SHROOM3: variants seen among roughly 807,000 people sequenced by gnomAD.
SHROOM3 encodes shroom family member 3, also known as protein Shroom3.
In SHROOM3, 47 loss-of-function variants were observed where a neutral mutation model predicts 138.6. That is an observed-to-expected ratio of 0.34 (90% CI 0.27 to 0.43). The LOEUF is 0.43. Ranked by LOEUF, SHROOM3 falls within the 20% of genes least tolerant of loss-of-function variation. SHROOM3 has a pLI of 1.00. For synonymous variants in SHROOM3, 1,062 were observed against 1,063.3 expected (o/e 1.00, Z 0.02); for missense variants, 2,491 against 2,596.5 (o/e 0.96, Z 0.88).
chr4:76,505,488 A>G (rs1184830632), intron 1 of SHROOM3, among the ~76,000 whole-genome samples: 1 of 152,100 alleles, frequency 6.6e-6, no homozygotes, highest in African/African-American at 2.4e-5. Context: ...CATACATACA[A>G]TTGGCCCTCT....
chr4:76,511,488 A>G (rs1732336196), intron 1 of SHROOM3, among the ~76,000 whole-genome samples: 1 of 151,888 alleles, frequency 6.6e-6, no homozygotes, highest in Non-Finnish European at 1.5e-5. Flanking sequence ...ACTCAACAAC[A>G]CCTCTGCCTA....
At chr4:76,689,847 C>T (rs939691918) in intron 2 of SHROOM3, 2 of 760,710 alleles carry the variant, frequency 2.6e-6, no homozygotes, top group Non-Finnish European at 1.6e-6. Flanking sequence ...GCCAGCACCC[C>T]GGCTGATGGG....
intron 2 of SHROOM3, among the ~76,000 whole-genome samples, chr4:76,651,389 A>T (rs1735953505): frequency 8.1e-6 from 1 of 122,710 alleles, no homozygotes; most frequent in South Asian, 2.6e-4. Context: ...AACACATCTC[A>T]TGTAACCCAT....
chr4:76,770,351 ACAGAAG>A (rs1560623527), intron 9 of SHROOM3, among the ~76,000 whole-genome samples: 2 of 130,666 alleles, frequency 1.5e-5, no homozygotes, highest in African/African-American at 5.6e-5. Context: ...AAAAAAAAAA[ACAGAAG>A]ACAAAGCTGT....
In SHROOM3 at chr4:76,778,972, C is replaced by T. The variant is rs1722664803; in HGVS notation, c.5786C>T (p.Ser1929Phe). The T allele has an allele frequency of 6.2e-7, 1 of 1,614,126 alleles. No individual in the cohort carries two copies. Among genetic ancestry groups the T allele is most frequent in the African/African-American group, 1.3e-5 (1 of 75,026 alleles). ...QDYQHFVKMK[S>F]TLLIEQRKLD... ...TACCAGCACTTCGTGAAAATGAAGTCCACGCTCCTCATTGAGCAACGGAAG... is the reference window on the plus strand; with the variant it reads ...TACCAGCACTTCGTGAAAATGAAGTTCACGCTCCTCATTGAGCAACGGAAG... The change falls in exon 11 of 11, where the codon TCC becomes TTC. Residue 1929 changes from serine to phenylalanine, a missense_variant. This residue lies in a region of SHROOM3 where 470 missense variants were observed against 595.0 expected (regional missense o/e 0.79). Transcript: ENST00000296043.
chr4:76,668,186 C>T (rs1257172421), intron 2 of SHROOM3, among the ~76,000 whole-genome samples: 1 of 151,832 alleles, frequency 6.6e-6, no homozygotes, highest in Non-Finnish European at 1.5e-5. Context: ...GCGAAAAGCC[C>T]AAGGAAGGAG....
At chr4:76,724,581 GT>G (rs1720645362) in intron 3 of SHROOM3, among the ~76,000 whole-genome samples, 1 of 152,110 alleles carries the variant, frequency 6.6e-6, no homozygotes, top group Non-Finnish European at 1.5e-5. Flanking sequence ...GTGAAAATAA[GT>G]TTTCCTTCCC....
chr4:76,770,611 T>TA lies in SHROOM3; in HGVS notation c.5350-14dup. 1 of 1,613,432 alleles carries TA rather than the reference T, an allele frequency of 6.2e-7. No individual in the cohort carries two copies. The highest frequency in any genetic ancestry group is 8.5e-7 in the Non-Finnish European group (1 of 1,179,982). On this transcript the variant is annotated splice_polypyrimidine_tract_variant and intron_variant, in intron 9 of 10. Coordinates refer to ENST00000296043, the MANE Select transcript of SHROOM3 (RefSeq NM_020859.4). ...TCCTGTTGGCTGATCTTTGCGGTCTTATCTGTCATTTCAGGCTGAGCTCAT... is the reference window on the plus strand; with the variant it reads ...TCCTGTTGGCTGATCTTTGCGGTCTTAATCTGTCATTTCAGGCTGAGCTCAT...
chr4:76,654,008 C>T (rs1237550269), intron 2 of SHROOM3, among the ~76,000 whole-genome samples: 2 of 152,088 alleles, frequency 1.3e-5, no homozygotes, highest in Non-Finnish European at 2.9e-5. Flanking sequence ...AGATAAATTA[C>T]CAATCAATGT....
intron 2 of SHROOM3, among the ~76,000 whole-genome samples, chr4:76,563,096 G>A (rs1352703448): frequency 6.6e-6 from 1 of 152,074 alleles, no homozygotes; most frequent in Non-Finnish European, 1.5e-5. Context: ...TAAAATGGAG[G>A]AGAACAGTTC....
rs572581952 is a variant in SHROOM3 at position 76,453,426 on chromosome 4, A to G, written c.168+17206A>G. 2.0e-5 allele frequency among the ~76,000 whole-genome samples: 3 copies of G among 151,892 alleles called. No individual in the cohort carries two copies. The East Asian group carries it at 5.8e-4, about 29-fold the overall frequency. On this transcript the variant is annotated intron_variant, in intron 1 of 10. Coordinates refer to ENST00000296043, the MANE Select transcript of SHROOM3 (RefSeq NM_020859.4). ...CCAGAGTATCTGGGACTACAGATGC[A>G]TGCCACAACACCTGGCTATTTTTTT...
At chr4:76,586,502 G>A (rs1310791090) in intron 2 of SHROOM3, 17 of 979,652 alleles carry the variant, frequency 1.7e-5, no homozygotes, top group Non-Finnish European at 2.1e-5. Context: ...ATTTCTCGAT[G>A]ACATTATTTC....
chr4:76,488,178 TG>T (rs750495875), intron 1 of SHROOM3, among the ~76,000 whole-genome samples: 4 of 152,220 alleles, frequency 2.6e-5, no homozygotes, highest in African/African-American at 9.6e-5. Flanking sequence ...AATTATAATT[TG>T]TTTTTTTTAA....
rs543817550 is a variant in SHROOM3, at chr4:76,561,600, A to T, written c.323+5837A>T. On this transcript the variant is annotated intron_variant, in intron 2 of 10. Coordinates refer to ENST00000296043, the MANE Select transcript of SHROOM3 (RefSeq NM_020859.4). ...CTAGTTCTTCGAGGATGTAAGTCTT[A>T]GGGACTTTTGGCCCCTCAAGCAGTG... Among the ~76,000 whole-genome samples the T allele has an allele frequency of 6.0e-5, 9 of 149,450 alleles. No individual in the cohort carries two copies. In the South Asian group the frequency reaches 8.8e-4, roughly 15 times the overall value.
chr4:76,770,346 A>AC (rs1560623485), intron 9 of SHROOM3, among the ~76,000 whole-genome samples: 1 of 143,172 alleles, frequency 7.0e-6, no homozygotes, highest in Admixed American at 7.0e-5. Flanking sequence ...AAAAAAAAAA[A>AC]AAAAACAGAA....
chr4:76,567,359 AC>A (rs748703621), intron 2 of SHROOM3, among the ~76,000 whole-genome samples: 1 of 151,934 alleles, frequency 6.6e-6, no homozygotes, highest in Non-Finnish European at 1.5e-5. Flanking sequence ...ACATGGTGAA[AC>A]CCCGTCTCAG....
At chr4:76,519,048 T>C (rs370255002) in intron 1 of SHROOM3, among the ~76,000 whole-genome samples, 20 of 152,128 alleles carry the variant, frequency 1.3e-4, no homozygotes, top group African/African-American at 4.3e-4. Context: ...GCCTTGCCCT[T>C]GGAAGAGAAC....
At chr4:76,439,426 A>T (rs1730624062) in intron 1 of SHROOM3, among the ~76,000 whole-genome samples, 1 of 152,226 alleles carries the variant, frequency 6.6e-6, no homozygotes, top group South Asian at 2.1e-4. Context: ...AGGGATTAGA[A>T]TGCAGACATC....
chr4:76,721,217 A>G (rs943204318), intron 3 of SHROOM3, among the ~76,000 whole-genome samples: 4 of 150,990 alleles, frequency 2.6e-5, no homozygotes, highest in Non-Finnish European at 4.4e-5. Context: ...AGGCTGAGGC[A>G]GGAGAATGGC....
Sources: allele counts gnomAD v4.1 joint callset (sites outside exome capture counted in the v4.1 genomes callset), GRCh38; gene constraint gnomAD v4.1.1; regional missense constraint gnomAD v4.1.1; transcripts MANE v1.5; gene names NCBI Gene and HGNC (gene_info 2026-07-23, HGNC 2026-07-21).